Variants in ERG observed in about 807,000 individuals in gnomAD.
ERG encodes ETS transcription factor ERG.
ERG carries 9 observed loss-of-function variants against 55.3 expected under a neutral mutation model. The ratio of observed to expected loss-of-function variants is 0.16; its 90% CI spans 0.10 to 0.28. The LOEUF is 0.28. Ranked by LOEUF, ERG falls within the 10% of genes least tolerant of loss-of-function variation. The pLI, the probability that ERG is intolerant of heterozygous loss-of-function variation, is 1.00. For missense variants in ERG, 434 were observed against 631.6 expected (o/e 0.69, Z 3.35); for synonymous variants, 223 against 237.3 (o/e 0.94, Z 0.55).
At chr21:38,531,332 C>T (rs2059670886) in intron 2 of ERG, among the ~76,000 whole-genome samples, 1 of 152,328 alleles carries the variant, frequency 6.6e-6, no homozygotes, top group South Asian at 2.1e-4. Context: ...GATGACATCA[C>T]TTCACATGAG....
Position 38,622,318 on chromosome 21 carries a change from G to A in ERG, c.-149-37373C>T, listed in dbSNP as rs73442440. On this transcript the variant is annotated intron_variant, in intron 1 of 10. Transcript: ENST00000398910. ...ACAGCTAGGAAAGCAGGGCTCTGCC[G>A]CGCCGAGGGAATGGGTCCCAGGTCT... Among the ~76,000 whole-genome samples the A allele has an allele frequency of 2.5e-3, 377 of 152,138 alleles. 2 individuals are homozygous for A. The highest frequency in any genetic ancestry group is 8.3e-3 in the African/African-American group (343 of 41,472).
chr21:38,446,748 G>A (rs1046050142), intron 1 of ERG, among the ~76,000 whole-genome samples: 6 of 152,144 alleles, frequency 3.9e-5, no homozygotes, highest in East Asian at 1.9e-4. Flanking sequence ...TGTGGGCTGC[G>A]CAGACCCTTC....
intron 2 of ERG, among the ~76,000 whole-genome samples, chr21:38,574,337 A>C (rs1029478431): frequency 2.6e-5 from 4 of 152,166 alleles, no homozygotes; most frequent in Admixed American, 2.0e-4. Context: ...TTTTTTGATA[A>C]ACACAACCAT....
rs78408144 is a variant in ERG at position 38,600,939 on chromosome 21, C to G, written c.-149-15994G>C. On this transcript the variant is annotated intron_variant, in intron 1 of 10. Transcript: ENST00000398910. ...CAACCTATCCATGCATCTAACCCCCCCTGGAAATCTCTGGCTCCAAGAGTC... is the reference window on the plus strand; with the variant it reads ...CAACCTATCCATGCATCTAACCCCCGCTGGAAATCTCTGGCTCCAAGAGTC... 6.6e-3 allele frequency among the ~76,000 whole-genome samples: 998 copies of G among 152,266 alleles called. 10 individuals carry two copies. The highest frequency in any genetic ancestry group is 0.027 in the East Asian group (139 of 5,168).
chr21:38,645,306 G>A (rs941198920), intron 1 of ERG, among the ~76,000 whole-genome samples: 19 of 152,210 alleles, frequency 1.2e-4, no homozygotes, highest in African/African-American at 4.3e-4. Flanking sequence ...TGTGAACTAT[G>A]GCTATAGAGA....
intron 1 of ERG, among the ~76,000 whole-genome samples, chr21:38,584,625 C>T (rs368976322): frequency 1.3e-5 from 2 of 152,260 alleles, no homozygotes; most frequent in East Asian, 1.9e-4. Flanking sequence ...CAGGAACAGG[C>T]AGTGCTGGGC....
intron 1 of ERG, among the ~76,000 whole-genome samples, chr21:38,455,122 T>C (rs77404787): frequency 4.5e-5 from 5 of 111,746 alleles, no homozygotes; most frequent in Admixed American, 1.7e-4. Context: ...TTCTTTCTTT[T>C]TTTTTTTTTT....
At position 38,643,802 on chromosome 21, in the gene ERG, G is replaced by A. The variant is rs895103510; in HGVS notation, c.-150+17856C>T. 2.8e-4 allele frequency among the ~76,000 whole-genome samples: 42 copies of A among 152,176 alleles called. 1 individual carries two copies. The highest frequency in any genetic ancestry group is 1.7e-4 in the African/African-American group (7 of 41,444). On this transcript the variant is annotated intron_variant, in intron 1 of 10. Transcript: ENST00000398910. ...AAGTGCATGTTTCTGTAAATTCCAC[G>A]TGCTCAGAGAGATTTCAAGTAAACA...
In ERG at chr21:38,498,266, G is replaced by T; in HGVS notation, c.18+97C>A. On this transcript the variant is annotated intron_variant, in intron 1 of 9. Coordinates refer to ENST00000288319, the MANE Select transcript of ERG (RefSeq NM_182918.4). The surrounding 1 kb of genome is among the most constrained non-coding windows in gnomAD (Gnocchi z 4.6). ...TGTCCTCTATTGTGGCAGTGGGGGT[G>T]TTGCCCAACCCTAACTTATCTGCCT... 1 of 1,060,806 alleles carries T rather than the reference G, an allele frequency of 9.4e-7. No homozygotes were observed. The highest frequency in any genetic ancestry group is 1.4e-6 in the Non-Finnish European group (1 of 690,234). The allele number at this position is 1,060,806 out of a possible 1,614,324, so 65.7% of individuals were successfully genotyped here.
chr21:38,543,363 T>TA lies in ERG; in HGVS notation c.-41+32298_-41+32299insT, dbSNP rs772766504. ...TACATATGTATATGTGTGTTTTTTT[T>TA]TAAAAAAAAAGCAATTCCACTGTAA... is the stretch of plus-strand genomic sequence containing the variant. On this transcript the variant is annotated intron_variant, in intron 2 of 8. Coordinates refer to the ERG transcript ENST00000398897. 7.6e-3 allele frequency among the ~76,000 whole-genome samples: 493 copies of TA among 64,822 alleles called. 3 individuals carry two copies. Among genetic ancestry groups the TA allele is most frequent in the South Asian group, 0.021 (29 of 1,412 alleles). 42.5% of individuals were successfully genotyped at this position (64,822 alleles called of 152,430 possible). A position where few individuals can be genotyped will look rare whatever the true frequency, so the allele number is the denominator to read the frequency against.
chr21:38,643,505 C>A (rs1013637479), intron 1 of ERG, among the ~76,000 whole-genome samples: 1 of 152,162 alleles, frequency 6.6e-6, no homozygotes, highest in Non-Finnish European at 1.5e-5. Flanking sequence ...ATTTCCTGTT[C>A]CTTTTATTTA....
At chr21:38,406,840 T>G (rs1381093936) in intron 3 of ERG, among the ~76,000 whole-genome samples, 1 of 152,196 alleles carries the variant, frequency 6.6e-6, no homozygotes, top group African/African-American at 2.4e-5. Flanking sequence ...TCCCTTGGTG[T>G]GCCCCTTAAT....
chr21:38,404,323 G>T (rs1988656521), intron 3 of ERG, among the ~76,000 whole-genome samples: 1 of 152,298 alleles, frequency 6.6e-6, no homozygotes, highest in African/African-American at 2.4e-5. Context: ...AGGGTGTTTG[G>T]TTTTGCAATT....
At chr21:38,622,110 T>C (rs527915389) in intron 1 of ERG, among the ~76,000 whole-genome samples, 61 of 152,320 alleles carry the variant, frequency 4.0e-4, no homozygotes, top group African/African-American at 1.4e-3. Flanking sequence ...TGCTGTCAGA[T>C]AGCAGCTCAG....
chr21:38,658,372 G>GA (rs1170101726), intron 1 of ERG, among the ~76,000 whole-genome samples: 1 of 152,160 alleles, frequency 6.6e-6, no homozygotes, highest in African/African-American at 2.4e-5. Context: ...GGAGTTCTAT[G>GA]AAATAACAGG....
chr21:38,562,195 A>C (rs2059896937), intron 2 of ERG, among the ~76,000 whole-genome samples: 1 of 152,122 alleles, frequency 6.6e-6, no homozygotes, highest in Non-Finnish European at 1.5e-5. Flanking sequence ...TATAAAACTC[A>C]GTGTGTAGAT....
chr21:38,555,326 C>A (rs1476387018), intron 2 of ERG, among the ~76,000 whole-genome samples: 163 of 138,216 alleles, frequency 1.2e-3, no homozygotes, highest in Middle Eastern at 3.7e-3. Flanking sequence ...GACTCTGTCT[C>A]AAAAAAAAAA....
chr21:38,417,804 A>T (rs1342839924), intron 3 of ERG, among the ~76,000 whole-genome samples: 1 of 152,082 alleles, frequency 6.6e-6, no homozygotes, highest in Admixed American at 6.5e-5. Flanking sequence ...AAATAAATAA[A>T]TAAAAAATAA....
At chr21:38,590,803 A>T (rs1297524363) in intron 1 of ERG, among the ~76,000 whole-genome samples, 1 of 152,252 alleles carries the variant, frequency 6.6e-6, no homozygotes, top group East Asian at 1.9e-4. Flanking sequence ...TTCAGAGCCT[A>T]GTGAGAGAGA....
Sources: gnomAD v4.1 joint callset for allele counts (sites outside exome capture counted in the v4.1 genomes callset) on GRCh38, gnomAD v4.1.1 for gene constraint, Gnocchi (gnomAD v3.1) non-coding constraint, MANE v1.5 for transcripts, NCBI Gene and HGNC (gene_info 2026-07-23, HGNC 2026-07-21) for gene names.